ZFAND3: variants seen among roughly 807,000 people sequenced by gnomAD.
ZFAND3 encodes the protein AN1-type zinc finger protein 3.
A neutral mutation model predicts 29.6 loss-of-function variants in ZFAND3; 10 were observed. That is an observed-to-expected ratio of 0.34 (90% CI 0.21 to 0.57). ZFAND3 has a LOEUF of 0.57. ZFAND3 is among the 20% of genes least tolerant of loss of function. The probability of loss-of-function intolerance (pLI) is 0.86; values close to 1 mark genes in which losing one functional copy is unlikely to be tolerated. For missense variants in ZFAND3, 230 were observed against 304.5 expected, an observed-to-expected ratio of 0.76 and a Z score of 1.82; for synonymous variants, 128 against 112.6, an observed-to-expected ratio of 1.14 and a Z score of -0.87.
chr6:37,964,507 A>G (rs958507649), intron 2 of ZFAND3, among the ~76,000 whole-genome samples: 128 of 152,208 alleles, frequency 8.4e-4, no homozygotes, highest in Non-Finnish European at 1.8e-3. Context: ...AGTGTCAGTG[A>G]CTGCACAGCC....
chr6:37,872,668 A>C (rs1764715692), intron 1 of ZFAND3, among the ~76,000 whole-genome samples: 1 of 152,044 alleles, frequency 6.6e-6, no homozygotes, highest in Non-Finnish European at 1.5e-5. Flanking sequence ...TTTGGCTTTC[A>C]TCTTTGTGTT....
chr6:38,086,493 A>G (rs1362978355), intron 4 of ZFAND3, among the ~76,000 whole-genome samples: 2 of 152,206 alleles, frequency 1.3e-5, no homozygotes, highest in Non-Finnish European at 2.9e-5. Flanking sequence ...GACAGAGTTT[A>G]CATTTCTTCA....
At position 38,037,769 on chromosome 6, in the gene ZFAND3, C is replaced by T. The variant is rs181566073; in HGVS notation, c.113-23824C>T. On this transcript the variant is annotated intron_variant, in intron 2 of 5. Coordinates refer to ENST00000287218, the MANE Select transcript of ZFAND3 (RefSeq NM_021943.3). Reference sequence around the variant, plus strand: ...CTTTATCATTCTAATGAAAGGCGGGCGTGTAGGTTATGCGCTGTTCTGGAG... The same window carrying T: ...CTTTATCATTCTAATGAAAGGCGGGTGTGTAGGTTATGCGCTGTTCTGGAG... 1.5e-3 allele frequency among the ~76,000 whole-genome samples: 232 copies of T among 152,176 alleles called. 1 individual carries two copies. The highest frequency in any genetic ancestry group is 5.4e-3 in the African/African-American group (226 of 41,526).
intron 2 of ZFAND3, among the ~76,000 whole-genome samples, chr6:38,045,762 A>G: frequency 6.6e-6 from 1 of 152,220 alleles, no homozygotes; most frequent in East Asian, 1.9e-4. Flanking sequence ...TATCAGGACA[A>G]AGGGAAAATA....
intron 2 of ZFAND3, among the ~76,000 whole-genome samples, chr6:37,945,170 A>C (rs1455404537): frequency 6.6e-6 from 1 of 152,112 alleles, no homozygotes; most frequent in Admixed American, 6.5e-5. Flanking sequence ...AGCTTAACCC[A>C]CACTCTGCTT....
intron 2 of ZFAND3, among the ~76,000 whole-genome samples, chr6:37,994,420 T>G (rs1762813661): frequency 6.6e-6 from 1 of 152,206 alleles, no homozygotes; most frequent in Non-Finnish European, 1.5e-5. Flanking sequence ...TGTCCACTTC[T>G]TTGATAGAGA....
intron 2 of ZFAND3, among the ~76,000 whole-genome samples, chr6:38,046,306 T>C (rs1165222687): frequency 1.3e-5 from 2 of 152,238 alleles, no homozygotes; most frequent in Non-Finnish European, 2.9e-5. Context: ...ATTTGTTTAG[T>C]GCTATCTGAA....
In ZFAND3 at chr6:38,153,316, G is replaced by C; in HGVS notation, c.*927G>C. 1 of 985,466 alleles carries C rather than the reference G, an allele frequency of 1.0e-6. No homozygotes were observed. Among genetic ancestry groups the C allele is most frequent in the Non-Finnish European group, 1.2e-6 (1 of 829,952 alleles). The allele number at this position is 985,466 out of a possible 1,614,324, so 61.0% of individuals were successfully genotyped here. On this transcript the variant is annotated 3_prime_UTR_variant, in exon 6 of 6. Transcript: ENST00000287218. Reference sequence around the variant, plus strand: ...CAACAAGAATCAGTAGAAGTGCTGGGAGCAGCAGCTGGGGAAGCTGCCGCC... The same window carrying C: ...CAACAAGAATCAGTAGAAGTGCTGGCAGCAGCAGCTGGGGAAGCTGCCGCC...
chr6:38,028,403 T>C (rs1164080526), intron 2 of ZFAND3, among the ~76,000 whole-genome samples: 1 of 151,906 alleles, frequency 6.6e-6, no homozygotes, highest in African/African-American at 2.4e-5. Context: ...TTACAGTTTT[T>C]AGAAATACTC....
intron 5 of ZFAND3, among the ~76,000 whole-genome samples, chr6:38,128,308 A>G (rs533767784): frequency 1.3e-5 from 2 of 152,328 alleles, no homozygotes; most frequent in African/African-American, 4.8e-5. Context: ...TCACCCTAAT[A>G]GATTCTTCCT....
At chr6:38,127,292 T>A (rs1765653191) in intron 5 of ZFAND3, among the ~76,000 whole-genome samples, 1 of 152,222 alleles carries the variant, frequency 6.6e-6, no homozygotes, top group Non-Finnish European at 1.5e-5. Context: ...TCAAATATGT[T>A]CACCAAAAAC....
In ZFAND3 at chr6:37,991,154, G is replaced by T. The variant is rs73421461; in HGVS notation, c.112+61155G>T. 1.5e-3 allele frequency among the ~76,000 whole-genome samples: 223 copies of T among 152,082 alleles called. 1 individual carries two copies. The highest frequency in any genetic ancestry group is 4.5e-3 in the African/African-American group (185 of 41,476). Reference sequence around the variant, plus strand: ...CCTCAGGAGTCTAAGGAATAACTCCGCCTGATTCTTAAAAGCTAGTCACGT... The same window carrying T: ...CCTCAGGAGTCTAAGGAATAACTCCTCCTGATTCTTAAAAGCTAGTCACGT... On this transcript the variant is annotated intron_variant, in intron 2 of 5. Coordinates refer to ENST00000287218, the MANE Select transcript of ZFAND3 (RefSeq NM_021943.3).
chr6:37,836,393 G>A (rs558582375), intron 1 of ZFAND3, among the ~76,000 whole-genome samples: 4 of 152,314 alleles, frequency 2.6e-5, no homozygotes, highest in South Asian at 4.1e-4. Flanking sequence ...AGTTTGGAAA[G>A]GAGTTGGATA....
At chr6:37,918,951 C>CTTTTTTTTTTTTTTTTGTTTTTTTT (rs1761319326) in intron 1 of ZFAND3, among the ~76,000 whole-genome samples, 1 of 104,738 alleles carries the variant, frequency 9.5e-6, no homozygotes, top group Non-Finnish European at 1.8e-5. Context: ...TGAAAAATGC[C>CTTTTTTTTTTTTTTTTGTTTTTTTT]TTTTTTTTTT....
rs1482455965 is a variant in ZFAND3, at chr6:38,153,615, T to A, written c.*1226T>A. 1.0e-6 allele frequency: 1 copy of A among 985,064 alleles called. No individual in the cohort carries two copies. Among genetic ancestry groups the A allele is most frequent in the Non-Finnish European group, 1.2e-6 (1 of 829,920 alleles). The allele number at this position is 985,064 out of a possible 1,614,324, so 61.0% of individuals were successfully genotyped here. A position where few individuals can be genotyped will look rare whatever the true frequency, so the allele number is the denominator to read the frequency against. On this transcript the variant is annotated 3_prime_UTR_variant, in exon 6 of 6. Transcript: ENST00000287218. ...GCCTGAGGGTACATTTCTCCACCTG[T>A]GCCCCCTCATGTTCACAGAGGATTT...
intron 5 of ZFAND3, chr6:38,142,438 C>G (rs535007288): frequency 4.4e-6 from 2 of 451,012 alleles, no homozygotes; most frequent in Admixed American, 2.4e-5. Flanking sequence ...ACTGAGTTAC[C>G]CCCATGGGCC....
chr6:38,008,235 A>G (rs1035263828), intron 2 of ZFAND3, among the ~76,000 whole-genome samples: 10 of 152,210 alleles, frequency 6.6e-5, no homozygotes, highest in African/African-American at 2.4e-4. Flanking sequence ...AAAAAAAGGT[A>G]GTATAGAAAG....
intron 5 of ZFAND3, among the ~76,000 whole-genome samples, chr6:38,137,567 T>C (rs1765865690): frequency 1.3e-5 from 2 of 152,366 alleles, no homozygotes; most frequent in South Asian, 4.1e-4. Context: ...GACCTCTTGG[T>C]GCTTTTATTC....
intron 2 of ZFAND3, among the ~76,000 whole-genome samples, chr6:37,948,530 A>T (rs1040560027): frequency 2.0e-5 from 3 of 152,144 alleles, no homozygotes; most frequent in African/African-American, 7.2e-5. Flanking sequence ...ATTATGTGTC[A>T]TGGGGGTTTG....
Sources: gnomAD v4.1 joint callset for allele counts (sites outside exome capture counted in the v4.1 genomes callset) on GRCh38, gnomAD v4.1.1 for gene constraint, MANE v1.5 for transcripts, NCBI Gene and HGNC (gene_info 2026-07-23, HGNC 2026-07-21) for gene names.